The following MEGF9 variants were observed in gnomAD, a reference collection of about 807,000 sequenced individuals.
The protein encoded by MEGF9 is multiple EGF like domains 9.
Under a neutral mutation model 46.8 loss-of-function variants are expected in MEGF9, and 6 were observed. That is an observed-to-expected ratio of 0.13 (90% CI 0.07 to 0.25). The LOEUF (loss-of-function observed/expected upper bound fraction) is 0.25. MEGF9 is among the 10% of genes least tolerant of loss of function. The probability of loss-of-function intolerance (pLI) is 1.00; values close to 1 mark genes in which losing one functional copy is unlikely to be tolerated. For missense variants in MEGF9, 683 were observed against 792.4 expected (o/e 0.86, Z 1.66); for synonymous variants, 302 against 330.7 (o/e 0.91, Z 0.94).
At chr9:120,641,521 C>T (rs111943475) in intron 2 of MEGF9, among the ~76,000 whole-genome samples, 2,392 of 152,234 alleles carry the variant, frequency 0.016, 57 homozygotes, top group African/African-American at 0.054. Context: ...CATAAGTTGA[C>T]CTTAGGTTTT....
chr9:120,643,438 A>G (rs1426754098), intron 2 of MEGF9, among the ~76,000 whole-genome samples: 3 of 152,170 alleles, frequency 2.0e-5, no homozygotes, highest in East Asian at 3.9e-4. Context: ...TCTAACCACA[A>G]TGTCATACAT....
intron 1 of MEGF9, among the ~76,000 whole-genome samples, chr9:120,685,374 G>A (rs1390275176): frequency 6.6e-6 from 1 of 152,040 alleles, no homozygotes; most frequent in Non-Finnish European, 1.5e-5. Flanking sequence ...TAACAATCTC[G>A]GATATTCTCA....
chr9:120,642,611 C>T (rs1031098579), intron 2 of MEGF9, among the ~76,000 whole-genome samples: 4 of 152,168 alleles, frequency 2.6e-5, no homozygotes, highest in Non-Finnish European at 4.4e-5. Context: ...CAGCTTCTTT[C>T]GGTGAACATG....
rs1430297620 is a variant in MEGF9, at chr9:120,604,534, A to G, written c.*656T>C. The G allele has an allele frequency of 6.5e-6, 1 of 153,016 alleles. No homozygotes were observed. Among genetic ancestry groups the G allele is most frequent in the African/African-American group, 2.4e-5 (1 of 41,440 alleles). The allele number at this position is 153,016 out of a possible 1,614,324, so 9.5% of individuals were successfully genotyped here. On this transcript the variant is annotated 3_prime_UTR_variant, in exon 6 of 6. Transcript: ENST00000373930. ...ATTTATCATTTACACTGAGACCCTG[A>G]GGAGGACCATCAGCCTCCTGCTCCC... is the stretch of plus-strand genomic sequence containing the variant.
chr9:120,616,074 T>A (rs142973015), intron 3 of MEGF9, among the ~76,000 whole-genome samples: 1 of 152,092 alleles, frequency 6.6e-6, no homozygotes, highest in Non-Finnish European at 1.5e-5. Flanking sequence ...TGAGAGGCAA[T>A]AGCCCTTTCA....
intron 4 of MEGF9, among the ~76,000 whole-genome samples, chr9:120,610,845 A>G (rs1415548514): frequency 6.6e-6 from 1 of 152,220 alleles, no homozygotes; most frequent in Non-Finnish European, 1.5e-5. Context: ...AATAGAAAAA[A>G]TATTTATAAA....
At chr9:120,710,898 G>C (rs1435491459) in intron 1 of MEGF9, among the ~76,000 whole-genome samples, 2 of 152,184 alleles carry the variant, frequency 1.3e-5, no homozygotes, top group African/African-American at 4.8e-5. Flanking sequence ...ACTAGATATT[G>C]GCAATCTAGA....
intron 5 of MEGF9, among the ~76,000 whole-genome samples, chr9:120,606,258 C>A (rs2132296442): frequency 6.6e-6 from 1 of 151,888 alleles, no homozygotes; most frequent in Non-Finnish European, 1.5e-5. Flanking sequence ...CATATAAATT[C>A]CTGCAAAGGC....
intron 1 of MEGF9, among the ~76,000 whole-genome samples, chr9:120,669,205 A>G (rs980593253): frequency 2.0e-5 from 3 of 152,182 alleles, no homozygotes; most frequent in Admixed American, 6.5e-5. Context: ...GAATGTATAT[A>G]CTATGTTTTA....
chr9:120,713,864 C>A lies in MEGF9; in HGVS notation c.495G>T (p.Pro165=). ...APTTPVATTV[P]APTTPRTPTP... is the part of the protein sequence containing the mutation. ...TCGGGGTCCGGGGAGTCGTGGGCGC[C>A]GGTACGGTGGTCGCTACAGGGGTGG... The change falls in exon 1 of 6, where the codon CCG becomes CCT. Residue 165 remains proline, a synonymous_variant. Coordinates refer to ENST00000373930, the MANE Select transcript of MEGF9 (RefSeq NM_001080497.3). 1 of 1,301,952 alleles carries A rather than the reference C, an allele frequency of 7.7e-7. No homozygotes were observed. Among genetic ancestry groups the A allele is most frequent in the Non-Finnish European group, 9.8e-7 (1 of 1,022,872 alleles). The allele number at this position is 1,301,952 out of a possible 1,614,324, so 80.6% of individuals were successfully genotyped here.
chr9:120,622,913 T>C (rs1364029994), intron 2 of MEGF9, among the ~76,000 whole-genome samples, 158 bp from the exon 3 acceptor site: 1 of 152,228 alleles, frequency 6.6e-6, no homozygotes, highest in Non-Finnish European at 1.5e-5. Context: ...TCAAATTCTG[T>C]ATTGCTATTA....
chr9:120,705,057 G>C lies in MEGF9; in HGVS notation c.601+8701C>G, dbSNP rs951914984. Among the ~76,000 whole-genome samples the C allele has an allele frequency of 1.1e-4, 16 of 152,122 alleles. No homozygotes were observed. In the East Asian group the frequency reaches 2.1e-3, roughly 20 times the overall value. On this transcript the variant is annotated intron_variant, in intron 1 of 5. Coordinates refer to ENST00000373930, the MANE Select transcript of MEGF9 (RefSeq NM_001080497.3). ...ATTGTTCCTCAGAAGAAGGTGGCAG[G>C]GGGTAGGTGGGGCATAAGTTGGACA...
chr9:120,652,457 TG>T (rs2043657024), intron 2 of MEGF9, among the ~76,000 whole-genome samples: 1 of 117,652 alleles, frequency 8.5e-6, no homozygotes, highest in African/African-American at 3.3e-5. Context: ...CCAGGCTGGG[TG>T]ACAGAGCGAG....
At chr9:120,664,172 C>G (rs1442604354) in intron 1 of MEGF9, among the ~76,000 whole-genome samples, 1 of 151,588 alleles carries the variant, frequency 6.6e-6, no homozygotes, top group African/African-American at 2.4e-5. Context: ...TTTACTTGAA[C>G]ATACTGAAGA....
intron 1 of MEGF9, among the ~76,000 whole-genome samples, chr9:120,694,184 A>ATTT (rs2043864111): frequency 6.6e-6 from 1 of 152,224 alleles, no homozygotes; most frequent in Non-Finnish European, 1.5e-5. Context: ...CTCAACCTAC[A>ATTT]TTTAGCATGT....
At chr9:120,697,008 A>G (rs1303346884) in intron 1 of MEGF9, among the ~76,000 whole-genome samples, 2 of 152,228 alleles carry the variant, frequency 1.3e-5, no homozygotes, top group African/African-American at 2.4e-5. Flanking sequence ...AGAAGTTTAC[A>G]AAATAAGGAA....
intron 2 of MEGF9, 142 bp downstream of exon 2, chr9:120,659,232 A>G (rs1476493849): frequency 2.0e-6 from 1 of 505,794 alleles, no homozygotes; most frequent in Non-Finnish European, 3.3e-6. Flanking sequence ...ATAAAGTAAG[A>G]GAATAAAAGT....
intron 1 of MEGF9, among the ~76,000 whole-genome samples, chr9:120,664,861 C>T (rs1182598201): frequency 6.6e-6 from 1 of 152,166 alleles, no homozygotes; most frequent in African/African-American, 2.4e-5. Context: ...TTCATTCATT[C>T]AACAACAATT....
Position 120,695,603 on chromosome 9 carries a change from C to CAAAAAAAAA in MEGF9, c.601+18146_601+18154dup, listed in dbSNP as rs370281228. On this transcript the variant is annotated intron_variant, in intron 1 of 5. Coordinates refer to ENST00000373930, the MANE Select transcript of MEGF9 (RefSeq NM_001080497.3). Reference sequence around the variant, plus strand: ...TGGGTGACAGTGTGAGACCCCATCTCAAAAAAAAAAAAAAAAAAAAAAAAA... The same window carrying CAAAAAAAAA: ...TGGGTGACAGTGTGAGACCCCATCTCAAAAAAAAAAAAAAAAAAAAAAAAAAAAAAAAAA... 6.3e-3 allele frequency among the ~76,000 whole-genome samples: 118 copies of CAAAAAAAAA among 18,676 alleles called. 14 individuals are homozygous for CAAAAAAAAA. The highest frequency in any genetic ancestry group is 0.013 in the African/African-American group (110 of 8,258). The allele number at this position is 18,676 out of a possible 152,430, so 12.3% of individuals were successfully genotyped here.
Sources: gnomAD v4.1 joint callset for allele counts (sites outside exome capture counted in the v4.1 genomes callset) on GRCh38, gnomAD v4.1.1 for gene constraint, MANE v1.5 for transcripts, NCBI Gene and HGNC (gene_info 2026-07-23, HGNC 2026-07-21) for gene names.